Variants in HNRNPDL observed in about 807,000 individuals in gnomAD.
The protein encoded by HNRNPDL is heterogeneous nuclear ribonucleoprotein D like, also known as heterogeneous nuclear ribonucleoprotein D-like.
A neutral mutation model predicts 48.0 loss-of-function variants in HNRNPDL; 18 were observed. The observed-to-expected ratio is 0.38, with a 90% CI of 0.26 to 0.56. HNRNPDL has a LOEUF of 0.56. Among genes scored for constraint, HNRNPDL ranks in the 20% least tolerant of loss-of-function variants. The pLI is 0.77. For missense variants in HNRNPDL, 553 were observed against 540.7 expected (o/e 1.02, Z -0.23); for synonymous variants, 306 against 207.3 (o/e 1.48, Z -4.09).
Position 82,427,448 on chromosome 4 carries a change from T to C in HNRNPDL, c.891A>G (p.Gln297=), listed in dbSNP as rs776021128. 1.2e-6 allele frequency: 2 copies of C among 1,605,062 alleles called. No individual in the cohort carries two copies. Among genetic ancestry groups the C allele is most frequent in the East Asian group, 2.2e-5 (1 of 44,808 alleles). The change falls in exon 4 of 8, where the codon CAA becomes CAG. Residue 297 remains glutamine, a synonymous_variant. Transcript: ENST00000295470. ...VKKLLESRYH[Q]IGSGKCEIKV... ...ATGGCTTTACCTTCCCAGAACCAAT[T>C]TGATGGTATCTGCTTTCTAACAATT...
chr4:82,423,735 G>A lies in HNRNPDL; in HGVS notation c.*1171C>T, dbSNP rs1157876436. The A allele has an allele frequency of 4.6e-5, 7 of 152,120 alleles. No homozygotes were observed. Among genetic ancestry groups the A allele is most frequent in the East Asian group, 1.9e-4 (1 of 5,190 alleles). 9.4% of individuals were successfully genotyped at this position (152,120 alleles called of 1,614,324 possible). A position where few individuals can be genotyped will look rare whatever the true frequency, so the allele number is the denominator to read the frequency against. On this transcript the variant is annotated 3_prime_UTR_variant, in exon 8 of 8. Transcript: ENST00000295470. ...GTCCTCTGAAACCTGGATATAAAAC[G>A]GATTCTTTTCAATGCACCCAGAGGG...
At position 82,424,899 on chromosome 4, in the gene HNRNPDL, A is replaced by G. The variant is rs528912080; in HGVS notation, c.*23-16T>C. ...ACATCTCCTCCTAAAAACAAAAACAAAATACCAGTTAGATTTGTGCAACTC... is the reference window on the plus strand; with the variant it reads ...ACATCTCCTCCTAAAAACAAAAACAGAATACCAGTTAGATTTGTGCAACTC... On this transcript the variant is annotated splice_polypyrimidine_tract_variant and intron_variant, in intron 7 of 7. Coordinates refer to ENST00000295470, the MANE Select transcript of HNRNPDL (RefSeq NM_031372.4). 5 of 152,216 alleles carry G rather than the reference A, an allele frequency of 3.3e-5. No individual in the cohort carries two copies. Among genetic ancestry groups the G allele is most frequent in the Non-Finnish European group, 7.3e-5 (5 of 68,030 alleles). The allele number at this position is 152,216 out of a possible 1,614,324, so 9.4% of individuals were successfully genotyped here. A position where few individuals can be genotyped will look rare whatever the true frequency, so the allele number is the denominator to read the frequency against.
chr4:82,429,692 G>C lies in HNRNPDL; in HGVS notation c.-2C>G. The C allele has an allele frequency of 7.4e-7, 1 of 1,351,508 alleles. No individual in the cohort carries two copies. Among genetic ancestry groups the C allele is most frequent in the South Asian group, 1.9e-5 (1 of 52,044 alleles). The allele number at this position is 1,351,508 out of a possible 1,614,324, so 83.7% of individuals were successfully genotyped here. ...GGAAAGCCTGGGCGGGACCTCCATC[G>C]CGGCCCTCCCGGCAAGGAGAGAGGC... On this transcript the variant is annotated 5_prime_UTR_variant, in exon 1 of 8. Coordinates refer to ENST00000295470, the MANE Select transcript of HNRNPDL (RefSeq NM_031372.4).
chr4:82,426,566 A>G lies in HNRNPDL; in HGVS notation c.1089T>C (p.Ser363=). The stretch of plus-strand genomic sequence containing the variant: ...TATAGTTTTGATCACCACCATAGGC[A>G]CTATTGTAATTTCCATATCCTTGAT... ...YYDQGYGNYN[S]AYGGDQNYSG... The change falls in exon 6 of 8, where the codon AGT becomes AGC. Residue 363 remains serine, a synonymous_variant. Coordinates refer to ENST00000295470, the MANE Select transcript of HNRNPDL (RefSeq NM_031372.4). 1 of 1,612,980 alleles carries G rather than the reference A, an allele frequency of 6.2e-7. No individual in the cohort carries two copies. The highest frequency in any genetic ancestry group is 8.5e-7 in the Non-Finnish European group (1 of 1,179,050).
chr4:82,428,599 C>T (rs921488107), intron 1 of HNRNPDL, among the ~76,000 whole-genome samples, 153 bp from the exon 2 acceptor site: 1 of 152,174 alleles, frequency 6.6e-6, no homozygotes, highest in Non-Finnish European at 1.5e-5. Flanking sequence ...ACACAAAAAT[C>T]CCAATATCCC....
rs1043785534 is a variant in HNRNPDL at position 82,430,389 on chromosome 4, C to T, written c.-699G>A. On this transcript the variant is annotated 5_prime_UTR_variant, in exon 1 of 8. Coordinates refer to ENST00000295470, the MANE Select transcript of HNRNPDL (RefSeq NM_031372.4). The stretch of plus-strand genomic sequence containing the variant: ...GGCTCCTTTCTGCACGTGCCCCGGG[C>T]CTCTCCCGCTCGCTCAACCTGTCTG... 5.7e-6 allele frequency: 1 copy of T among 176,956 alleles called. No individual in the cohort carries two copies. 11.0% of individuals were successfully genotyped at this position (176,956 alleles called of 1,614,324 possible).
Position 82,428,374 on chromosome 4 carries a change from C to T in HNRNPDL, c.516G>A (p.Gly172=), listed in dbSNP as rs746015668. 1.2e-6 allele frequency: 2 copies of T among 1,613,782 alleles called. No individual in the cohort carries two copies. The highest frequency in any genetic ancestry group is 1.1e-5 in the South Asian group (1 of 91,068). The change falls in exon 2 of 8, where the codon GGG becomes GGA. Residue 172 remains glycine, a synonymous_variant. Coordinates refer to ENST00000295470, the MANE Select transcript of HNRNPDL (RefSeq NM_031372.4). ...KDLTEYLSRF[G]EVVDCTIKTD... is the part of the protein sequence containing the mutation. The stretch of plus-strand genomic sequence containing the variant: ...TTTTAATTGTGCAGTCTACAACTTC[C>T]CCAAATCGAGACAAGTACTCTGTCA...
In HNRNPDL at chr4:82,424,860, G is replaced by C. The variant is rs190403058; in HGVS notation, c.*46C>G. The C allele has an allele frequency of 6.6e-6, 1 of 152,338 alleles. No homozygotes were observed. The highest frequency in any genetic ancestry group is 6.5e-5 in the Admixed American group (1 of 15,304). 9.4% of individuals were successfully genotyped at this position (152,338 alleles called of 1,614,324 possible). A position where few individuals can be genotyped will look rare whatever the true frequency, so the allele number is the denominator to read the frequency against. On this transcript the variant is annotated 3_prime_UTR_variant, in exon 8 of 8. Coordinates refer to ENST00000295470, the MANE Select transcript of HNRNPDL (RefSeq NM_031372.4). ...ACCAATCTTCAATGTCGTCCTGCAAGATGGGTTACTTTAACATCTCCTCCT... is the reference window on the plus strand; with the variant it reads ...ACCAATCTTCAATGTCGTCCTGCAACATGGGTTACTTTAACATCTCCTCCT...
At chr4:82,427,951 A>T in intron 3 of HNRNPDL, 67 bp downstream of exon 3, 1 of 1,472,678 alleles carries the variant, frequency 6.8e-7, no homozygotes. Flanking sequence ...TGCCCTGCAT[A>T]AATCGGACAA....
Position 82,429,612 on chromosome 4 carries a change from G to A in HNRNPDL, c.79C>T (p.Leu27Phe), listed in dbSNP as rs762730693. ...SAPATLASRS[L>F]SHWRPRPPRQ... ...GGCGGCCGCGGCCGCCAATGGGAGA[G>A]GCTGCGGGAGGCTAAAGTAGCGGGA... Residue 27 changes from leucine (L) to phenylalanine (F), a missense_variant, in exon 1 of 8, where the codon CTC (leucine) becomes TTC (phenylalanine). Around this residue, in one of 4 missense-constraint regions of HNRNPDL, gnomAD observed 327 missense variants for 203.2 expected, o/e 1.61. Coordinates refer to ENST00000295470, the MANE Select transcript of HNRNPDL (RefSeq NM_031372.4). 1 of 1,380,572 alleles carries A rather than the reference G, an allele frequency of 7.2e-7. No individual in the cohort carries two copies. The highest frequency in any genetic ancestry group is 9.3e-7 in the Non-Finnish European group (1 of 1,069,996). The allele number at this position is 1,380,572 out of a possible 1,614,324, so 85.5% of individuals were successfully genotyped here. A position where few individuals can be genotyped will look rare whatever the true frequency, so the allele number is the denominator to read the frequency against.
At chr4:82,427,686 A>G in intron 3 of HNRNPDL, 122 bp from the exon 4 acceptor site, 1 of 839,156 alleles carries the variant, frequency 1.2e-6, no homozygotes, top group Non-Finnish European at 1.9e-6. Flanking sequence ...ACTTCTATAC[A>G]GACATCACTG....
chr4:82,427,579 C>A lies in HNRNPDL; in HGVS notation c.775-15G>T. 2 of 1,605,708 alleles carry A rather than the reference C, an allele frequency of 1.2e-6. No individual in the cohort carries two copies. The highest frequency in any genetic ancestry group is 1.7e-6 in the Non-Finnish European group (2 of 1,177,504). On this transcript the variant is annotated splice_polypyrimidine_tract_variant and intron_variant, in intron 3 of 7. Coordinates refer to ENST00000295470, the MANE Select transcript of HNRNPDL (RefSeq NM_031372.4). The stretch of plus-strand genomic sequence containing the variant: ...ATATTTTCAATCTGAAATCGAGATG[C>A]ACACTCAACGTCATCCCATAATTGT...
chr4:82,429,591 GCCGCGGCCGC>G lies in HNRNPDL; in HGVS notation c.90_99del (p.Trp30CysfsTer6). 1.5e-6 allele frequency: 2 copies of G among 1,378,506 alleles called. No individual in the cohort carries two copies. The highest frequency in any genetic ancestry group is 1.9e-6 in the Non-Finnish European group (2 of 1,070,580). 85.4% of individuals were successfully genotyped at this position (1,378,506 alleles called of 1,614,324 possible). A position where few individuals can be genotyped will look rare whatever the true frequency, so the allele number is the denominator to read the frequency against. ...AGGAGCGGGGCTAGCTGCCGCGGCGGCCGCGGCCGCCAATGGGAGAGGCTGCGGGAGGCTA... is the reference window on the plus strand; with the variant it reads ...AGGAGCGGGGCTAGCTGCCGCGGCGGCAATGGGAGAGGCTGCGGGAGGCTA... On this transcript the variant is annotated frameshift_variant, in exon 1 of 8. Transcript: ENST00000295470. LOFTEE classifies it high-confidence loss of function.
Position 82,429,628 on chromosome 4 carries a change from A to G in HNRNPDL, c.63T>C (p.Thr21=). ...PPPLFPSAPA[T]LASRSLSHWR... is the part of the protein sequence containing the mutation. ...AATGGGAGAGGCTGCGGGAGGCTAA[A>G]GTAGCGGGAGCGGAGGGGAACAATG... The change falls in exon 1 of 8, where the codon ACT becomes ACC. Residue 21 remains threonine (T), a synonymous_variant. Transcript: ENST00000295470. 6 of 1,377,268 alleles carry G rather than the reference A, an allele frequency of 4.4e-6. No individual in the cohort carries two copies. In the South Asian group the frequency reaches 1.0e-4, roughly 24 times the overall value. 85.3% of individuals were successfully genotyped at this position (1,377,268 alleles called of 1,614,324 possible).
Position 82,423,567 on chromosome 4 carries a change from C to A in HNRNPDL, c.*1339G>T, listed in dbSNP as rs1044223683. Reference sequence around the variant, plus strand: ...AGGGCTCATGAGCATAAGAAACTTACCAGTTTTGTGAGATCACCCGTTGTG... The same window carrying A: ...AGGGCTCATGAGCATAAGAAACTTAACAGTTTTGTGAGATCACCCGTTGTG... On this transcript the variant is annotated 3_prime_UTR_variant, in exon 8 of 8. Coordinates refer to ENST00000295470, the MANE Select transcript of HNRNPDL (RefSeq NM_031372.4). 2 of 151,904 alleles carry A rather than the reference C, an allele frequency of 1.3e-5. No homozygotes were observed. The highest frequency in any genetic ancestry group is 2.4e-5 in the African/African-American group (1 of 41,408). 9.4% of individuals were successfully genotyped at this position (151,904 alleles called of 1,614,324 possible). A position where few individuals can be genotyped will look rare whatever the true frequency, so the allele number is the denominator to read the frequency against.
intron 1 of HNRNPDL, 75 bp downstream of exon 1, chr4:82,429,171 AGC>A: frequency 7.5e-7 from 1 of 1,326,142 alleles, no homozygotes; most frequent in Non-Finnish European, 1.1e-6. Flanking sequence ...GAATGGGGGC[AGC>A]GCGCGGCTCA....
Position 82,429,416 on chromosome 4 carries a change from G to A in HNRNPDL, c.275C>T (p.Ser92Phe). 1.2e-6 allele frequency: 2 copies of A among 1,613,246 alleles called. No individual in the cohort carries two copies. Among genetic ancestry groups the A allele is most frequent in the Non-Finnish European group, 1.7e-6 (2 of 1,179,738 alleles). ...GGCGGCGGAGCGTTGTATGGAGCTG[G>A]ATTTAAAATGGCGGCGGAAGAGATC... ...RPDLFRRHFKSSSIQRSAAAA... is the reference protein window; with the variant it reads ...RPDLFRRHFKFSSIQRSAAAA... Residue 92 changes from serine (S) to phenylalanine (F), a missense_variant, in exon 1 of 8, where the codon TCC becomes TTC. Coordinates refer to ENST00000295470, the MANE Select transcript of HNRNPDL (RefSeq NM_031372.4).
rs781669787 is a variant in HNRNPDL, at chr4:82,428,458, AGT to A, written c.444-14_444-13del. 9.7e-5 allele frequency: 152 copies of A among 1,571,690 alleles called. No individual in the cohort carries two copies. Among genetic ancestry groups the A allele is most frequent in the Middle Eastern group, 1.7e-4 (1 of 5,936 alleles). On this transcript the variant is annotated splice_polypyrimidine_tract_variant and intron_variant, in intron 1 of 7. Coordinates refer to ENST00000295470, the MANE Select transcript of HNRNPDL (RefSeq NM_031372.4). ...CAATAAACATTTTACTAGAAATAAA[AGT>A]GTTTTTAAAAAAAATTAACAATAAC...
chr4:82,429,451 C>A lies in HNRNPDL; in HGVS notation c.240G>T (p.Arg80Ser). 1.9e-6 allele frequency: 3 copies of A among 1,606,754 alleles called. No individual in the cohort carries two copies. In the South Asian group the frequency reaches 3.3e-5, roughly 18 times the overall value. Residue 80 changes from arginine (R) to serine (S), a missense_variant, in exon 1 of 8, where the codon AGG (arginine) becomes AGT (serine). Coordinates refer to ENST00000295470, the MANE Select transcript of HNRNPDL (RefSeq NM_031372.4). The stretch of plus-strand genomic sequence containing the variant: ...GGCGGCGGAAGAGATCCGGGCGCCG[C>A]CTGCGCCCTCCCTTTATAGCCGCCC... ...AGGAAIKGGRRRRPDLFRRHF... is the reference protein window; with the variant it reads ...AGGAAIKGGRSRRPDLFRRHF...
Sources: gnomAD v4.1 joint callset for allele counts (sites outside exome capture counted in the v4.1 genomes callset) on GRCh38, gnomAD v4.1.1 for gene constraint, gnomAD v4.1.1 regional missense constraint, MANE v1.5 for transcripts, NCBI Gene and HGNC (gene_info 2026-07-23, HGNC 2026-07-21) for gene names.